ADCY10: variants seen among roughly 807,000 people sequenced by gnomAD.
ADCY10 encodes adenylate cyclase type 10.
A neutral mutation model predicts 183.3 loss-of-function variants in ADCY10; 156 were observed. The ratio of observed to expected loss-of-function variants is 0.85; its 90% CI spans 0.75 to 0.97. ADCY10 has a LOEUF of 0.97. Among genes scored for constraint, ADCY10 ranks in the 50% least tolerant of loss-of-function variants. The pLI, the probability that ADCY10 is intolerant of heterozygous loss-of-function variation, is 0.00. For synonymous variants in ADCY10, 645 were observed against 670.0 expected (o/e 0.96, Z 0.58); for missense variants, 1,745 against 1,934.3 (o/e 0.90, Z 1.84).
chr1:167,832,816 C>T lies in ADCY10; in HGVS notation c.3593+171G>A, dbSNP rs7540535. On this transcript the variant is annotated intron_variant, in intron 25 of 32. Coordinates refer to ENST00000367851, the MANE Select transcript of ADCY10 (RefSeq NM_018417.6). ...TGCCTGTAAAGTACTTTGTGGCAACCCTGGTATGGGAGCACCTCCCACACT... is the reference window on the plus strand; with the variant it reads ...TGCCTGTAAAGTACTTTGTGGCAACTCTGGTATGGGAGCACCTCCCACACT... 4.2e-3 allele frequency among the ~76,000 whole-genome samples: 640 copies of T among 152,232 alleles called. 9 individuals carry two copies. The highest frequency in any genetic ancestry group is 0.014 in the African/African-American group (582 of 41,532).
At chr1:167,876,654 A>G (rs1255761980) in intron 12 of ADCY10, among the ~76,000 whole-genome samples, 3 of 152,190 alleles carry the variant, frequency 2.0e-5, no homozygotes, top group Non-Finnish European at 4.4e-5. Flanking sequence ...GTACAGAAAA[A>G]TCATGAAGAG....
intron 1 of ADCY10, among the ~76,000 whole-genome samples, chr1:167,908,261 T>A (rs1174577635): frequency 6.6e-6 from 1 of 152,212 alleles, no homozygotes; most frequent in Non-Finnish European, 1.5e-5. Context: ...ATAGTGTGGA[T>A]GAACCTGGAG....
At chr1:167,911,130 A>G (rs1170340369) in intron 1 of ADCY10, among the ~76,000 whole-genome samples, 1 of 152,242 alleles carries the variant, frequency 6.6e-6, no homozygotes. Context: ...AAGGACAAAT[A>G]TAAACAATGT....
intron 7 of ADCY10, among the ~76,000 whole-genome samples, chr1:167,895,746 G>C (rs1668929994): frequency 6.6e-6 from 1 of 152,204 alleles, no homozygotes; most frequent in Admixed American, 6.5e-5. Flanking sequence ...TTGAGAGTGA[G>C]TGTCTGCTTA....
intron 18 of ADCY10, among the ~76,000 whole-genome samples, chr1:167,849,121 T>C (rs1665285678): frequency 6.6e-6 from 1 of 152,166 alleles, no homozygotes; most frequent in African/African-American, 2.4e-5. Flanking sequence ...GTATTATATA[T>C]GTATTATGTA....
At chr1:167,861,514 C>G (rs955880106) in intron 14 of ADCY10, among the ~76,000 whole-genome samples, 3 of 152,224 alleles carry the variant, frequency 2.0e-5, no homozygotes, top group Non-Finnish European at 4.4e-5. Context: ...AGAGCTATTT[C>G]TCCTCTCCAT....
In ADCY10 at chr1:167,859,860, T is replaced by G; in HGVS notation, c.1843A>C (p.Thr615Pro). The G allele has an allele frequency of 6.2e-7, 1 of 1,613,416 alleles. No individual in the cohort carries two copies. The highest frequency in any genetic ancestry group is 8.5e-7 in the Non-Finnish European group (1 of 1,179,358). The part of the protein sequence containing the change: ...PISREISRMS[T>P]LKKQKQLEIL... ...TCCAATTGTTTTTGCTTTTTCAAGG[T>G]GCTCATCCTGGAAATCTCCCGAGAA... The change falls in exon 16 of 33, where the codon ACC (threonine) becomes CCC (proline). Residue 615 changes from threonine (T) to proline (P), a missense_variant. Thr to Pro is a conservative substitution (Grantham distance 38, BLOSUM62 -1). Coordinates refer to ENST00000367851, the MANE Select transcript of ADCY10 (RefSeq NM_018417.6).
rs10636915 is a variant in ADCY10, at chr1:167,903,255, CA to C, written c.253+631del. On this transcript the variant is annotated intron_variant, in intron 3 of 32. Transcript: ENST00000367851. ...TGGGAGACAGAGTGAGACTCTGACT[CA>C]AAAAAAAAAATTAATAAATAAAAAT... 9.9e-4 allele frequency among the ~76,000 whole-genome samples: 142 copies of C among 143,186 alleles called. 1 individual carries two copies. The highest frequency in any genetic ancestry group is 8.3e-3 in the East Asian group (40 of 4,838). 93.9% of individuals were successfully genotyped at this position (143,186 alleles called of 152,430 possible). A position where few individuals can be genotyped will look rare whatever the true frequency, so the allele number is the denominator to read the frequency against.
At chr1:167,840,036 A>G (rs1664497714) in intron 21 of ADCY10, among the ~76,000 whole-genome samples, 1 of 151,086 alleles carries the variant, frequency 6.6e-6, no homozygotes, top group Non-Finnish European at 1.5e-5. Flanking sequence ...CTTGGGCAAC[A>G]TGGCAAGACC....
chr1:167,884,736 T>C (rs1224227945), intron 8 of ADCY10, among the ~76,000 whole-genome samples: 4 of 149,338 alleles, frequency 2.7e-5, no homozygotes, highest in Non-Finnish European at 1.5e-5. Context: ...CTCGCTCTGT[T>C]GCTCAGGCTG....
At chr1:167,892,580 T>C (rs1194860936) in intron 8 of ADCY10, among the ~76,000 whole-genome samples, 2 of 152,208 alleles carry the variant, frequency 1.3e-5, no homozygotes, top group African/African-American at 2.4e-5. Flanking sequence ...GTATTATATC[T>C]CTTGAGAATG....
chr1:167,832,663 G>T (rs916980298), intron 25 of ADCY10, among the ~76,000 whole-genome samples: 1 of 152,140 alleles, frequency 6.6e-6, no homozygotes, highest in South Asian at 2.1e-4. Flanking sequence ...AGTGGTGCAG[G>T]TTCCATCCAA....
intron 25 of ADCY10, among the ~76,000 whole-genome samples, chr1:167,829,855 G>T (rs1027998668): frequency 6.6e-6 from 1 of 152,178 alleles, no homozygotes; most frequent in African/African-American, 2.4e-5. Flanking sequence ...GTGGTGCCAG[G>T]ATTCAAACTC....
chr1:167,854,235 G>T, intron 18 of ADCY10, 118 bp downstream of exon 18: 1 of 1,277,972 alleles, frequency 7.8e-7, no homozygotes, highest in Non-Finnish European at 1.1e-6. Context: ...TGGCTCCCCA[G>T]AACCTTCTGA....
In ADCY10 at chr1:167,843,999, T is replaced by C. The variant is rs200576439; in HGVS notation, c.3007+1564A>G. 6.2e-5 allele frequency among the ~76,000 whole-genome samples: 9 copies of C among 144,498 alleles called. No homozygotes were observed. The East Asian group carries it at 1.8e-3, about 29-fold the overall frequency. The allele number at this position is 144,498 out of a possible 152,430, so 94.8% of individuals were successfully genotyped here. ...TGATTCTCAGCTATTTCTTTTGTAA[T>C]TCTGTATATCCACTGCCTCAGTTTG... is the stretch of plus-strand genomic sequence containing the variant. On this transcript the variant is annotated intron_variant, in intron 21 of 32. Coordinates refer to ENST00000367851, the MANE Select transcript of ADCY10 (RefSeq NM_018417.6).
rs922875482 is a variant in ADCY10 at position 167,912,417 on chromosome 1, A to C, written c.-59+1559T>G. On this transcript the variant is annotated intron_variant, in intron 1 of 32. Transcript: ENST00000367851. ...TTCCTGGCAACATGGCCACCTCCAC[A>C]TACTCCCACGTGTGTAGAACATCAT... Among the ~76,000 whole-genome samples, 3 of 152,120 alleles carry C rather than the reference A, an allele frequency of 2.0e-5. No homozygotes were observed. In the South Asian group the frequency reaches 6.2e-4, roughly 32 times the overall value.
intron 4 of ADCY10, 83 bp downstream of exon 4, chr1:167,901,933 G>T: frequency 6.2e-7 from 1 of 1,605,210 alleles, no homozygotes; most frequent in Non-Finnish European, 8.5e-7. Context: ...CCTTCTCTAG[G>T]ATGCCTCCTT....
intron 21 of ADCY10, among the ~76,000 whole-genome samples, chr1:167,838,203 A>G (rs1664366512): frequency 6.6e-6 from 1 of 151,852 alleles, no homozygotes; most frequent in Admixed American, 6.6e-5. Flanking sequence ...AAGTACCCCA[A>G]CTCCTGTGTG....
intron 1 of ADCY10, among the ~76,000 whole-genome samples, chr1:167,912,822 C>T (rs188521659): frequency 6.6e-5 from 10 of 152,362 alleles, no homozygotes; most frequent in Admixed American, 4.6e-4. Flanking sequence ...TAGGTTGCCT[C>T]ATTTAATCAT....
Sources: allele counts gnomAD v4.1 joint callset (sites outside exome capture counted in the v4.1 genomes callset), GRCh38; gene constraint gnomAD v4.1.1; transcripts MANE v1.5; gene names NCBI Gene and HGNC (gene_info 2026-07-23, HGNC 2026-07-21).